ZMAT4: variants seen among roughly 807,000 people sequenced by gnomAD.
ZMAT4 encodes the protein zinc finger matrin-type 4.
In ZMAT4, 17 loss-of-function variants were observed where a neutral mutation model predicts 28.7. The observed-to-expected ratio is 0.59, with a 90% CI of 0.41 to 0.89. The LOEUF (loss-of-function observed/expected upper bound fraction) is 0.89. ZMAT4 is among the 40% of genes least tolerant of loss of function. The pLI is 0.00. For missense variants in ZMAT4, 240 were observed against 283.8 expected, an observed-to-expected ratio of 0.85 and a Z score of 1.11; for synonymous variants, 117 against 109.2, an observed-to-expected ratio of 1.07 and a Z score of -0.44.
chr8:40,876,266 C>T (rs894960622), intron 1 of ZMAT4, among the ~76,000 whole-genome samples: 28 of 152,158 alleles, frequency 1.8e-4, no homozygotes, highest in Non-Finnish European at 2.1e-4. Context: ...ATGATAATCC[C>T]TTCACTTAAT....
At chr8:40,710,031 C>A (rs1810535208) in intron 3 of ZMAT4, among the ~76,000 whole-genome samples, 2 of 134,698 alleles carry the variant, frequency 1.5e-5, no homozygotes, top group African/African-American at 5.7e-5. Flanking sequence ...GTCTGAGACC[C>A]AGTCTCAAAA....
At chr8:40,576,981 G>A (rs1201801482) in intron 6 of ZMAT4, among the ~76,000 whole-genome samples, 1 of 152,090 alleles carries the variant, frequency 6.6e-6, no homozygotes, top group African/African-American at 2.4e-5. Context: ...ATCACCTGAG[G>A]TCAGGAGTTC....
At chr8:40,833,309 C>T (rs1373906953) in intron 1 of ZMAT4, among the ~76,000 whole-genome samples, 1 of 152,054 alleles carries the variant, frequency 6.6e-6, no homozygotes, top group Non-Finnish European at 1.5e-5. Context: ...GTGGCTCACA[C>T]CTGTAATCCC....
chr8:40,755,171 G>A (rs933052478), intron 3 of ZMAT4, among the ~76,000 whole-genome samples: 15 of 152,272 alleles, frequency 9.9e-5, no homozygotes, highest in South Asian at 4.1e-4. Flanking sequence ...ATGGAAACTC[G>A]GGGGTTTGAA....
chr8:40,697,214 G>T, intron 4 of ZMAT4, 31 bp downstream of exon 4: 1 of 1,543,148 alleles, frequency 6.5e-7, no homozygotes, highest in Non-Finnish European at 8.8e-7. Context: ...GGTTTTCAGG[G>T]TCTCCCCACG....
chr8:40,876,453 T>C (rs1201204412), intron 1 of ZMAT4, among the ~76,000 whole-genome samples: 2 of 151,944 alleles, frequency 1.3e-5, no homozygotes, highest in Non-Finnish European at 2.9e-5. Context: ...GATGCAACTA[T>C]AGGCAGGCGC....
At chr8:40,716,521 A>G (rs143688945) in intron 3 of ZMAT4, among the ~76,000 whole-genome samples, 2,613 of 152,170 alleles carry the variant, frequency 0.017, 50 homozygotes, top group Non-Finnish European at 0.025. Context: ...GCGAAACCCC[A>G]TCTCTACTAA....
At chr8:40,628,192 A>G (rs1806444336) in intron 5 of ZMAT4, among the ~76,000 whole-genome samples, 1 of 152,162 alleles carries the variant, frequency 6.6e-6, no homozygotes, top group South Asian at 2.1e-4. Flanking sequence ...AGGGCTGGAG[A>G]CCCAAGGGTA....
intron 6 of ZMAT4, among the ~76,000 whole-genome samples, chr8:40,564,405 C>T (rs1803847765): frequency 1.3e-5 from 2 of 152,156 alleles, no homozygotes; most frequent in South Asian, 2.1e-4. Context: ...CCTTCTCTCC[C>T]CCTGTCAATG....
chr8:40,558,465 A>T (rs1204731704), intron 6 of ZMAT4, among the ~76,000 whole-genome samples: 4 of 152,032 alleles, frequency 2.6e-5, no homozygotes, highest in Admixed American at 1.3e-4. Flanking sequence ...GGCAGATTTG[A>T]GGCGTGTGGA....
chr8:40,831,489 C>T (rs1028260967), intron 1 of ZMAT4, among the ~76,000 whole-genome samples: 6 of 152,142 alleles, frequency 3.9e-5, no homozygotes, highest in South Asian at 2.1e-4. Flanking sequence ...CCCAGGCGGC[C>T]GCAGCCATCA....
rs4130658 is a variant in ZMAT4, at chr8:40,685,112, A to T, written c.350-10181T>A. 1.1e-4 allele frequency among the ~76,000 whole-genome samples: 14 copies of T among 128,488 alleles called. No homozygotes were observed. In the South Asian group the frequency reaches 3.5e-3, roughly 32 times the overall value. 84.3% of individuals were successfully genotyped at this position (128,488 alleles called of 152,430 possible). A position where few individuals can be genotyped will look rare whatever the true frequency, so the allele number is the denominator to read the frequency against. ...TCTAGAAATAAAGCACTTTATCTCA[A>T]CTGCCATTTGGGAACTGCTGTTCTG... On this transcript the variant is annotated intron_variant, in intron 4 of 6. Transcript: ENST00000297737.
chr8:40,781,745 G>C, intron 2 of ZMAT4, among the ~76,000 whole-genome samples: 1 of 101,456 alleles, frequency 9.9e-6, no homozygotes, highest in Non-Finnish European at 1.8e-5. Context: ...CTGGGCAACA[G>C]AGCGAGACTC....
At chr8:40,663,220 T>C (rs756224843) in intron 5 of ZMAT4, among the ~76,000 whole-genome samples, 1 of 152,194 alleles carries the variant, frequency 6.6e-6, no homozygotes, top group Non-Finnish European at 1.5e-5. Context: ...GTCATGCTGA[T>C]CTCTCCGCTC....
At chr8:40,865,387 G>C (rs1817640581) in intron 1 of ZMAT4, among the ~76,000 whole-genome samples, 1 of 152,228 alleles carries the variant, frequency 6.6e-6, no homozygotes, top group East Asian at 1.9e-4. Context: ...CACCACTGCA[G>C]CCTGTGCTAG....
intron 4 of ZMAT4, among the ~76,000 whole-genome samples, chr8:40,692,594 G>A (rs1809708499): frequency 6.6e-6 from 1 of 152,088 alleles, no homozygotes; most frequent in Admixed American, 6.6e-5. Flanking sequence ...TGCAAGTCTG[G>A]GGCAGATAAA....
chr8:40,737,204 A>T (rs376776630), intron 3 of ZMAT4, among the ~76,000 whole-genome samples: 2 of 76,250 alleles, frequency 2.6e-5, no homozygotes, highest in East Asian at 2.4e-4. Flanking sequence ...ACATTATGAG[A>T]TTTTTTTTGC....
intron 3 of ZMAT4, among the ~76,000 whole-genome samples, chr8:40,732,556 G>T (rs536160116): frequency 1.5e-4 from 23 of 152,354 alleles, no homozygotes; most frequent in Non-Finnish European, 8.8e-5. Context: ...ACAGGCACCT[G>T]CTCCAGAGTG....
intron 1 of ZMAT4, among the ~76,000 whole-genome samples, chr8:40,847,246 T>C (rs571453417): frequency 2.0e-4 from 30 of 150,840 alleles, no homozygotes; most frequent in Admixed American, 1.7e-3. Flanking sequence ...GGAAATCCAG[T>C]CACCTTGGAG....
Sources: allele counts gnomAD v4.1 joint callset (sites outside exome capture counted in the v4.1 genomes callset), GRCh38; gene constraint gnomAD v4.1.1; transcripts MANE v1.5; gene names NCBI Gene and HGNC (gene_info 2026-07-23, HGNC 2026-07-21).